The following SOHLH2 variants were observed in gnomAD, a reference collection of about 807,000 sequenced individuals.
SOHLH2 encodes the protein spermatogenesis and oogenesis specific basic helix-loop-helix 2.
A neutral mutation model predicts 50.4 loss-of-function variants in SOHLH2; 22 were observed. The ratio of observed to expected loss-of-function variants is 0.44; its 90% confidence interval spans 0.31 to 0.62. The LOEUF (loss-of-function observed/expected upper bound fraction) is 0.62, where lower values mean the gene tolerates loss of function less well. Ranked by LOEUF, SOHLH2 falls within the 20% of genes least tolerant of loss-of-function variation. The pLI, the probability that SOHLH2 is intolerant of heterozygous loss-of-function variation, is 0.08. For synonymous variants in SOHLH2, 185 were observed against 187.3 expected (o/e 0.99, Z 0.10); for missense variants, 412 against 504.4 (o/e 0.82, Z 1.76).
In SOHLH2 at chr13:36,173,518, A is replaced by C. The variant is rs539518776; in HGVS notation, c.1000+174T>G. Among the ~76,000 whole-genome samples the C allele has an allele frequency of 3.3e-5, 5 of 152,352 alleles. No individual in the cohort carries two copies. In the East Asian group the frequency reaches 7.7e-4, roughly 23 times the overall value. ...GTCAATTTTGAGCCCAGTTTCTGGC[A>C]TAACACTATTTAAACAACTGTAGCC... is the stretch of plus-strand genomic sequence containing the variant. On this transcript the variant is annotated intron_variant, in intron 9 of 10. Transcript: ENST00000379881.
chr13:36,211,297 A>C (rs560552040), intron 1 of SOHLH2, among the ~76,000 whole-genome samples: 1 of 152,316 alleles, frequency 6.6e-6, no homozygotes, highest in South Asian at 2.1e-4. Flanking sequence ...ACTTTCTATT[A>C]GTAAGGTTTA....
chr13:36,183,259 C>A, intron 6 of SOHLH2: 1 of 253,798 alleles, frequency 3.9e-6, no homozygotes, highest in Non-Finnish European at 8.9e-6. Context: ...TCTGGTATTT[C>A]TTTATAGCAA....
At chr13:36,211,730 A>T (rs545870305) in intron 1 of SOHLH2, among the ~76,000 whole-genome samples, 2 of 152,338 alleles carry the variant, frequency 1.3e-5, no homozygotes, top group South Asian at 4.1e-4. Context: ...CGTTGCAAGA[A>T]TGTTATGAGA....
intron 2 of SOHLH2, among the ~76,000 whole-genome samples, chr13:36,200,491 T>G (rs145277839): frequency 9.6e-4 from 147 of 152,342 alleles, no homozygotes; most frequent in Non-Finnish European, 1.4e-3. Flanking sequence ...TCTTTTCCCT[T>G]AACATACTTT....
chr13:36,176,147 T>C (rs149153994), intron 6 of SOHLH2, among the ~76,000 whole-genome samples: 10 of 152,208 alleles, frequency 6.6e-5, no homozygotes, highest in Non-Finnish European at 1.3e-4. Context: ...CAAAACAGCA[T>C]ATAAAATATA....
Position 36,201,870 on chromosome 13 carries a change from G to A in SOHLH2, c.263+9C>T. On this transcript the variant is annotated intron_variant, in intron 2 of 10. Coordinates refer to ENST00000379881, the MANE Select transcript of SOHLH2 (RefSeq NM_017826.3). ...CTAAAGATACAGCATCAAGGCTTTT[G>A]AAGTTTACCTAATTAACTTGATGGC... 6.2e-7 allele frequency: 1 copy of A among 1,614,142 alleles called. No individual in the cohort carries two copies. The highest frequency in any genetic ancestry group is 1.1e-5 in the South Asian group (1 of 91,074).
Position 36,180,288 on chromosome 13 carries a change from C to G in SOHLH2, c.642-5419G>C, listed in dbSNP as rs1031427978. On this transcript the variant is annotated intron_variant, in intron 6 of 10. Coordinates refer to ENST00000379881, the MANE Select transcript of SOHLH2 (RefSeq NM_017826.3). ...TGTGTCTGTCTCCCAGCCTCCTCCCCCTTCACCACCCCACTTATTTGGGTT... is the reference window on the plus strand; with the variant it reads ...TGTGTCTGTCTCCCAGCCTCCTCCCGCTTCACCACCCCACTTATTTGGGTT... Among the ~76,000 whole-genome samples, 12 of 152,112 alleles carry G rather than the reference C, an allele frequency of 7.9e-5. 1 individual carries two copies. Among genetic ancestry groups the G allele is most frequent in the Admixed American group, 3.9e-4 (6 of 15,276 alleles).
intron 5 of SOHLH2, among the ~76,000 whole-genome samples, chr13:36,190,275 A>T (rs1010623997): frequency 5.9e-5 from 9 of 152,234 alleles, no homozygotes; most frequent in Admixed American, 2.0e-4. Flanking sequence ...CCTAAATTCA[A>T]TGACTGATCA....
chr13:36,199,311 TCACA>T (rs3838357), intron 2 of SOHLH2, among the ~76,000 whole-genome samples: 3 of 149,154 alleles, frequency 2.0e-5, no homozygotes, highest in South Asian at 2.2e-4. Flanking sequence ...TTACACACCC[TCACA>T]CACACACACA....
chr13:36,180,506 A>T (rs1887221921), intron 6 of SOHLH2, among the ~76,000 whole-genome samples: 1 of 152,048 alleles, frequency 6.6e-6, no homozygotes, highest in Non-Finnish European at 1.5e-5. Context: ...TGTGCAGTAC[A>T]TGCAGGTTTG....
intron 1 of SOHLH2, among the ~76,000 whole-genome samples, chr13:36,209,052 T>C (rs1333639132): frequency 6.6e-6 from 1 of 152,182 alleles, no homozygotes; most frequent in East Asian, 1.9e-4. Context: ...TATTTCTTTA[T>C]TTCCTCCTTT....
intron 6 of SOHLH2, among the ~76,000 whole-genome samples, chr13:36,176,900 T>C (rs1224008347): frequency 6.6e-6 from 1 of 152,124 alleles, no homozygotes; most frequent in Non-Finnish European, 1.5e-5. Flanking sequence ...AATTACTTTA[T>C]TTTCAGGTAA....
At chr13:36,183,630 G>A (rs1289069024) in intron 6 of SOHLH2, among the ~76,000 whole-genome samples, 3 of 151,998 alleles carry the variant, frequency 2.0e-5, no homozygotes, top group African/African-American at 4.8e-5. Context: ...ATATGAAAAC[G>A]AACAACAGAG....
chr13:36,187,498 C>T (rs991539135), intron 6 of SOHLH2, among the ~76,000 whole-genome samples: 2 of 152,136 alleles, frequency 1.3e-5, no homozygotes, highest in Non-Finnish European at 2.9e-5. Flanking sequence ...ACAGCACTGG[C>T]CAGCGGGCCC....
chr13:36,170,492 A>C, intron 10 of SOHLH2, 39 bp downstream of exon 10: 1 of 1,592,586 alleles, frequency 6.3e-7, no homozygotes, highest in Non-Finnish European at 8.6e-7. Flanking sequence ...GGCTGGAGTG[A>C]AAGGGTCCAA....
intron 10 of SOHLH2, among the ~76,000 whole-genome samples, 173 bp downstream of exon 10, chr13:36,170,358 C>T (rs975524592): frequency 3.9e-5 from 6 of 152,216 alleles, no homozygotes; most frequent in African/African-American, 9.6e-5. Context: ...GCATGAGGAG[C>T]GAGAGCATGG....
Position 36,173,793 on chromosome 13 carries a change from C to G in SOHLH2, c.899G>C (p.Ser300Thr). 6.2e-7 allele frequency: 1 copy of G among 1,614,000 alleles called. No homozygotes were observed. The highest frequency in any genetic ancestry group is 1.1e-5 in the South Asian group (1 of 91,070). The change falls in exon 9 of 11, where the codon AGC becomes ACC. Residue 300 changes from serine to threonine, a missense_variant. Coordinates refer to ENST00000379881, the MANE Select transcript of SOHLH2 (RefSeq NM_017826.3). ...VMAQRENSVM[S>T]TYSPERGLQF... ...GAGCCCTCTCTCAGGGGAGTAAGTG[C>G]TCATCACACTGTTTTCCCTTGAAAG...
intron 1 of SOHLH2, 51 bp from the exon 2 acceptor site, chr13:36,202,144 G>A (rs1236629355): frequency 6.2e-7 from 1 of 1,600,712 alleles, no homozygotes; most frequent in South Asian, 1.1e-5. Flanking sequence ...TAGGCATAGG[G>A]AAAATGTCAT....
At chr13:36,185,386 G>A (rs1887388328) in intron 6 of SOHLH2, among the ~76,000 whole-genome samples, 1 of 151,966 alleles carries the variant, frequency 6.6e-6, no homozygotes, top group African/African-American at 2.4e-5. Flanking sequence ...AGAATTGCTT[G>A]AACCCGGGAG....
Sources: allele counts gnomAD v4.1 joint callset (sites outside exome capture counted in the v4.1 genomes callset), GRCh38; gene constraint gnomAD v4.1.1; transcripts MANE v1.5; gene names NCBI Gene and HGNC (gene_info 2026-07-23, HGNC 2026-07-21).